The following OTUD7A variants were observed in gnomAD, a reference collection of about 807,000 sequenced individuals.
OTUD7A encodes OTU domain-containing protein 7A.
In OTUD7A, 12 loss-of-function variants were observed where a neutral mutation model predicts 65.7. The ratio of observed to expected loss-of-function variants is 0.18; its 90% CI spans 0.12 to 0.30. OTUD7A has a LOEUF of 0.30. Ranked by LOEUF, OTUD7A falls within the 10% of genes least tolerant of loss-of-function variation. The probability of loss-of-function intolerance (pLI) is 1.00; values close to 1 mark genes in which losing one functional copy is unlikely to be tolerated. For synonymous variants in OTUD7A, 641 were observed against 586.3 expected, an observed-to-expected ratio of 1.09 and a Z score of -1.35; for missense variants, 1,148 against 1,304.8, an observed-to-expected ratio of 0.88 and a Z score of 1.85.
At chr15:31,718,116 C>G (rs1355141454) in intron 1 of OTUD7A, among the ~76,000 whole-genome samples, 1 of 152,198 alleles carries the variant, frequency 6.6e-6, no homozygotes, top group African/African-American at 2.4e-5. Context: ...TGAACCACCT[C>G]AGGGACAAAT....
intron 3 of OTUD7A, among the ~76,000 whole-genome samples, chr15:31,634,945 G>C (rs1891294600): frequency 6.6e-6 from 1 of 152,184 alleles, no homozygotes; most frequent in Non-Finnish European, 1.5e-5. Flanking sequence ...CCACCTTCTG[G>C]AACCTGCCTC....
chr15:31,801,771 C>G (rs1388209100), intron 1 of OTUD7A, among the ~76,000 whole-genome samples: 2 of 151,992 alleles, frequency 1.3e-5, no homozygotes, highest in Non-Finnish European at 2.9e-5. Context: ...AATCCTAAAC[C>G]TATGATATGT....
At chr15:31,495,061 G>A (rs1290849493) in intron 10 of OTUD7A, among the ~76,000 whole-genome samples, 3 of 152,168 alleles carry the variant, frequency 2.0e-5, no homozygotes, top group African/African-American at 7.2e-5. Flanking sequence ...GGATCCAGGT[G>A]TCTGTGCCTA....
intron 1 of OTUD7A, among the ~76,000 whole-genome samples, chr15:31,857,387 T>G (rs574943194): frequency 1.3e-5 from 2 of 151,884 alleles, no homozygotes; most frequent in African/African-American, 2.4e-5. Flanking sequence ...GCAAACCCAG[T>G]GTGGGGGCAG....
In OTUD7A at chr15:31,520,916, G is replaced by GTA. The variant is rs1477135109; in HGVS notation, c.893+5431_893+5432dup. ...CAACGTAGGATTAGATAAAGAAAAT[G>GTA]TATATATATACCATGGAATATGACT... is the stretch of plus-strand genomic sequence containing the variant. On this transcript the variant is annotated intron_variant, in intron 8 of 12. Transcript: ENST00000307050. 5.3e-5 allele frequency among the ~76,000 whole-genome samples: 8 copies of GTA among 152,206 alleles called. No individual in the cohort carries two copies. In the East Asian group the frequency reaches 1.4e-3, roughly 26 times the overall value.
In OTUD7A at chr15:31,796,985, T is replaced by G. The variant is rs1357354281; in HGVS notation, c.-100+73522A>C. Among the ~76,000 whole-genome samples the G allele has an allele frequency of 2.0e-5, 3 of 152,212 alleles. No homozygotes were observed. In the East Asian group the frequency reaches 5.8e-4, roughly 29 times the overall value. ...CTGACCCCAGGTGATTCACCCGCCT[T>G]GGCCTCCCAAAGTGCTGGGATTACA... On this transcript the variant is annotated intron_variant, in intron 1 of 12. Coordinates refer to ENST00000307050, the MANE Select transcript of OTUD7A (RefSeq NM_001382637.1).
At chr15:31,489,810 C>T (rs2041291510) in intron 10 of OTUD7A, among the ~76,000 whole-genome samples, 1 of 152,240 alleles carries the variant, frequency 6.6e-6, no homozygotes, top group African/African-American at 2.4e-5. Context: ...GACTCCTCCC[C>T]TCAACAGCAG....
At chr15:31,488,955 T>A (rs772677362) in intron 10 of OTUD7A, among the ~76,000 whole-genome samples, 1 of 152,160 alleles carries the variant, frequency 6.6e-6, no homozygotes, top group African/African-American at 2.4e-5. Context: ...AGGTCAGGGG[T>A]GGCTTGGCCT....
intron 1 of OTUD7A, chr15:31,766,532 T>C (rs543702681): frequency 6.2e-7 from 1 of 1,613,138 alleles, no homozygotes; most frequent in African/African-American, 1.3e-5. Flanking sequence ...CAAGTTCACT[T>C]TCCATAGCTG....
chr15:31,498,560 A>G lies in OTUD7A; in HGVS notation c.1171+3130T>C, dbSNP rs570420629. On this transcript the variant is annotated intron_variant, in intron 10 of 12. Coordinates refer to ENST00000307050, the MANE Select transcript of OTUD7A (RefSeq NM_001382637.1). This position sits in a 1 kb window ranked among gnomAD's most constrained non-coding sequence, Gnocchi z 4.2. ...TAATTGATTTGATTTTTCATAATGT[A>G]CACATTTGCTCAGTGGCCAGTAGGA... 6.6e-6 allele frequency among the ~76,000 whole-genome samples: 1 copy of G among 152,290 alleles called. No individual in the cohort carries two copies. Among genetic ancestry groups the G allele is most frequent in the East Asian group, 1.9e-4 (1 of 5,176 alleles).
intron 1 of OTUD7A, among the ~76,000 whole-genome samples, chr15:31,794,845 T>A (rs1895911895): frequency 6.6e-6 from 1 of 152,188 alleles, no homozygotes; most frequent in South Asian, 2.1e-4. Flanking sequence ...GGGTTTACAA[T>A]CAACCCAGAT....
chr15:31,741,412 G>C, intron 1 of OTUD7A, among the ~76,000 whole-genome samples: 1 of 152,302 alleles, frequency 6.6e-6, no homozygotes, highest in East Asian at 1.9e-4. Flanking sequence ...CATGTGCCAT[G>C]TTGGTTTGCT....
At chr15:31,531,982 C>A (rs1032524576) in intron 5 of OTUD7A, among the ~76,000 whole-genome samples, 4 of 152,218 alleles carry the variant, frequency 2.6e-5, no homozygotes, top group Non-Finnish European at 5.9e-5. Context: ...AGAGGGGGAA[C>A]CTGTACTTCA....
In OTUD7A at chr15:31,737,244, A is replaced by C. The variant is rs116895807; in HGVS notation, c.-99-80167T>G. On this transcript the variant is annotated intron_variant, in intron 1 of 12. Coordinates refer to ENST00000307050, the MANE Select transcript of OTUD7A (RefSeq NM_001382637.1). Reference sequence around the variant, plus strand: ...TAATATACTTAGAAAAATCGTTGAAACACATACACAGGCAAGGGACTAACA... The same window carrying C: ...TAATATACTTAGAAAAATCGTTGAACCACATACACAGGCAAGGGACTAACA... Among the ~76,000 whole-genome samples the C allele has an allele frequency of 9.1e-3, 1,379 of 152,348 alleles. 12 individuals are homozygous for C. Among genetic ancestry groups the C allele is most frequent in the Middle Eastern group, 0.024 (7 of 294 alleles).
chr15:31,810,136 G>A (rs996339051), intron 1 of OTUD7A, among the ~76,000 whole-genome samples: 1 of 152,166 alleles, frequency 6.6e-6, no homozygotes, highest in Non-Finnish European at 1.5e-5. Context: ...GCAGCTTCGG[G>A]AGGCCAGAGG....
chr15:31,862,181 AC>A (rs1897759296), intron 1 of OTUD7A, among the ~76,000 whole-genome samples: 1 of 151,210 alleles, frequency 6.6e-6, no homozygotes, highest in Non-Finnish European at 1.5e-5. Flanking sequence ...CCTCTCTCCC[AC>A]CCCCTAGTTT....
intron 3 of OTUD7A, among the ~76,000 whole-genome samples, chr15:31,591,199 A>G (rs7176601): frequency 0.34 from 50,787 of 151,584 alleles, 11,355 homozygotes; most frequent in African/African-American, 0.64. Context: ...AGGTGTTGGG[A>G]GTTTGAGAGA....
chr15:31,784,988 G>A (rs985258178), intron 1 of OTUD7A, among the ~76,000 whole-genome samples: 6 of 152,084 alleles, frequency 3.9e-5, no homozygotes, highest in Non-Finnish European at 5.9e-5. Flanking sequence ...TCTTAAACGC[G>A]GGCATACAGA....
intron 3 of OTUD7A, among the ~76,000 whole-genome samples, chr15:31,627,043 G>C (rs1566949995): frequency 6.6e-6 from 1 of 151,830 alleles, no homozygotes; most frequent in Non-Finnish European, 1.5e-5. Context: ...GCATCTGATT[G>C]ATCAGGCTGG....
Sources: allele counts gnomAD v4.1 joint callset (sites outside exome capture counted in the v4.1 genomes callset), GRCh38; gene constraint gnomAD v4.1.1; non-coding constraint Gnocchi (gnomAD v3.1); transcripts MANE v1.5; gene names NCBI Gene and HGNC (gene_info 2026-07-23, HGNC 2026-07-21).